The following ZNF385D variants were observed in gnomAD, a reference collection of about 807,000 sequenced individuals.
ZNF385D encodes zinc finger protein 659.
ZNF385D carries 15 observed loss-of-function variants against 35.8 expected under a neutral mutation model. The ratio of observed to expected loss-of-function variants is 0.42; its 90% CI spans 0.28 to 0.64. ZNF385D has a LOEUF of 0.64. Ranked by LOEUF, ZNF385D falls within the 30% of genes least tolerant of loss-of-function variation. The pLI, the probability that ZNF385D is intolerant of heterozygous loss-of-function variation, is 0.23. For synonymous variants in ZNF385D, 212 were observed against 186.8 expected (o/e 1.13, Z -1.10); for missense variants, 474 against 494.6 (o/e 0.96, Z 0.39).
chr3:22,248,243 G>A (rs1699891261), intron 2 of ZNF385D, among the ~76,000 whole-genome samples: 1 of 152,188 alleles, frequency 6.6e-6, no homozygotes, highest in Non-Finnish European at 1.5e-5. Context: ...CTGCAAGGCA[G>A]GTAGTGACCA....
At chr3:21,691,226 C>T (rs1258569443) in intron 1 of ZNF385D, among the ~76,000 whole-genome samples, 1 of 152,134 alleles carries the variant, frequency 6.6e-6, no homozygotes, top group Non-Finnish European at 1.5e-5. Context: ...TTCTGTGTTG[C>T]CAAGTACTGC....
At chr3:22,011,150 A>G (rs1428829052) in intron 3 of ZNF385D, among the ~76,000 whole-genome samples, 1 of 152,190 alleles carries the variant, frequency 6.6e-6, no homozygotes, top group Non-Finnish European at 1.5e-5. Context: ...ATATAACTAC[A>G]GTAATTTATG....
At chr3:22,147,511 G>A (rs886397692) in intron 3 of ZNF385D, among the ~76,000 whole-genome samples, 1 of 152,144 alleles carries the variant, frequency 6.6e-6, no homozygotes, top group African/African-American at 2.4e-5. Flanking sequence ...TCCTGGTAAA[G>A]ATGGTGTCAA....
intron 3 of ZNF385D, among the ~76,000 whole-genome samples, chr3:22,074,018 A>G (rs1213896340): frequency 6.6e-6 from 1 of 151,920 alleles, no homozygotes; most frequent in Non-Finnish European, 1.5e-5. Flanking sequence ...TTCTCTTCAT[A>G]TGTCCAGGGA....
At chr3:22,229,507 T>C (rs966517077) in intron 2 of ZNF385D, among the ~76,000 whole-genome samples, 4 of 152,232 alleles carry the variant, frequency 2.6e-5, no homozygotes, top group African/African-American at 9.6e-5. Flanking sequence ...GATTTTGGCA[T>C]TGCCATTCCC....
In ZNF385D at chr3:22,070,950, C is replaced by T. The variant is rs533738789; in HGVS notation, c.325+97867G>A. Among the ~76,000 whole-genome samples, 12 of 152,108 alleles carry T rather than the reference C, an allele frequency of 7.9e-5. No homozygotes were observed. The South Asian group carries it at 2.5e-3, about 32-fold the overall frequency. On this transcript the variant is annotated intron_variant, in intron 3 of 5. Coordinates refer to the ZNF385D transcript ENST00000494108. ...GTCTTATTAACAGTATAGGTGTTAA[C>T]CAATATTAGGAAGAATACGGCATTC...
chr3:22,122,860 C>T (rs1285757842), intron 3 of ZNF385D, among the ~76,000 whole-genome samples: 6 of 152,128 alleles, frequency 3.9e-5, no homozygotes, highest in South Asian at 2.1e-4. Flanking sequence ...AATCAAGCTT[C>T]CTTTGCATTG....
chr3:22,179,623 G>A (rs1274102833), intron 2 of ZNF385D, among the ~76,000 whole-genome samples: 1 of 152,166 alleles, frequency 6.6e-6, no homozygotes, highest in African/African-American at 2.4e-5. Context: ...CGAATACTAT[G>A]TTGAACAGAA....
At chr3:21,794,061 G>A (rs1019247632) in intron 3 of ZNF385D, among the ~76,000 whole-genome samples, 1 of 152,098 alleles carries the variant, frequency 6.6e-6, no homozygotes, top group Non-Finnish European at 1.5e-5. Flanking sequence ...CACAAAGAAT[G>A]ACCAGGGATG....
chr3:22,093,881 G>A (rs980410187), intron 3 of ZNF385D, among the ~76,000 whole-genome samples: 2 of 151,958 alleles, frequency 1.3e-5, no homozygotes, highest in South Asian at 2.1e-4. Context: ...CGTTAAGCTC[G>A]CTAACACTTT....
chr3:21,680,371 C>A (rs972757342), intron 1 of ZNF385D, among the ~76,000 whole-genome samples: 1 of 152,018 alleles, frequency 6.6e-6, no homozygotes, highest in African/African-American at 2.4e-5. Context: ...CCGGCTTCTC[C>A]TTTGGAATCA....
At chr3:21,521,552 A>G (rs867643060) in intron 3 of ZNF385D, among the ~76,000 whole-genome samples, 6 of 152,126 alleles carry the variant, frequency 3.9e-5, no homozygotes, top group Non-Finnish European at 8.8e-5. Flanking sequence ...CAGGATTTTG[A>G]GACCGGCTTG....
intron 6 of ZNF385D, among the ~76,000 whole-genome samples, chr3:21,424,853 A>G (rs914221486): frequency 1.3e-5 from 2 of 151,810 alleles, no homozygotes; most frequent in African/African-American, 4.9e-5. Context: ...TTCTAAAGAT[A>G]AATAAGGTGC....
chr3:22,364,464 G>A (rs1696560547), intron 2 of ZNF385D, among the ~76,000 whole-genome samples: 1 of 151,878 alleles, frequency 6.6e-6, no homozygotes, highest in African/African-American at 2.4e-5. Flanking sequence ...TGCTTTAAAG[G>A]AGACATACAA....
At chr3:22,314,292 G>A (rs561785619) in intron 2 of ZNF385D, among the ~76,000 whole-genome samples, 2 of 151,900 alleles carry the variant, frequency 1.3e-5, no homozygotes, top group South Asian at 2.1e-4. Flanking sequence ...TCCCCACTGA[G>A]TCCCCAAAGT....
At chr3:21,973,716 A>C (rs1199067014) in intron 3 of ZNF385D, among the ~76,000 whole-genome samples, 1 of 152,104 alleles carries the variant, frequency 6.6e-6, no homozygotes, top group East Asian at 1.9e-4. Flanking sequence ...CTGATAAACA[A>C]ATTCAGTAAA....
chr3:21,851,061 G>A (rs1165832293), intron 3 of ZNF385D, among the ~76,000 whole-genome samples: 1 of 151,126 alleles, frequency 6.6e-6, no homozygotes, highest in Non-Finnish European at 1.5e-5. Context: ...CAAAGGACAA[G>A]GATTTTAAAA....
At chr3:22,354,385 C>G (rs1303569373) in intron 2 of ZNF385D, among the ~76,000 whole-genome samples, 2 of 151,826 alleles carry the variant, frequency 1.3e-5, no homozygotes, top group African/African-American at 2.4e-5. Context: ...GCTGCTGTTG[C>G]TGCTATTATG....
intron 2 of ZNF385D, among the ~76,000 whole-genome samples, chr3:21,589,209 C>G (rs2063899619): frequency 6.6e-6 from 1 of 152,064 alleles, no homozygotes; most frequent in South Asian, 2.1e-4. Context: ...GAGAAAAAGG[C>G]TGAAGGAAGT....
Sources: gnomAD v4.1 joint callset for allele counts (sites outside exome capture counted in the v4.1 genomes callset) on GRCh38, gnomAD v4.1.1 for gene constraint, MANE v1.5 for transcripts, NCBI Gene and HGNC (gene_info 2026-07-23, HGNC 2026-07-21) for gene names.